The following C16orf89 variants were observed in gnomAD, a reference collection of about 807,000 sequenced individuals.
C16orf89 encodes UPF0764 protein C16orf89.
Under a neutral mutation model 41.5 loss-of-function variants are expected in C16orf89, and 57 were observed. The observed-to-expected ratio is 1.38, with a 90% CI of 1.11 to 1.71. The LOEUF (loss-of-function observed/expected upper bound fraction) is 1.71. C16orf89 is among the 40% of genes most tolerant of loss of function. The pLI is 0.00. For synonymous variants in C16orf89, 223 were observed against 190.6 expected (o/e 1.17, Z -1.40); for missense variants, 575 against 445.9 (o/e 1.29, Z -2.61).
intron 6 of C16orf89, among the ~76,000 whole-genome samples, chr16:5,054,577 TAG>T (rs577625614): frequency 9.2e-4 from 140 of 152,364 alleles, no homozygotes; most frequent in African/African-American, 3.1e-3. Context: ...CCCTAGAGCC[TAG>T]ATGGTGTCTG....
In C16orf89 at chr16:5,060,306, C is replaced by T; in HGVS notation, c.489G>A (p.Leu163=). The T allele has an allele frequency of 6.2e-7, 1 of 1,610,794 alleles. No homozygotes were observed. Among genetic ancestry groups the T allele is most frequent in the Non-Finnish European group, 8.5e-7 (1 of 1,178,508 alleles). The part of the protein sequence containing the change: ...SFSEERSDVC[L]VQLLGTGTDS... ...CCCACCCGGTTCCCAGCAGCTGCAC[C>T]AGGCACACGTCACTTCTCTCCTCTG... Residue 163 remains leucine (L), a synonymous_variant, in exon 3 of 8, where the codon CTG becomes CTA. Transcript: ENST00000472572.
At chr16:5,048,309 T>C (rs1956338525) in intron 6 of C16orf89, among the ~76,000 whole-genome samples, 1 of 152,198 alleles carries the variant, frequency 6.6e-6, no homozygotes, top group African/African-American at 2.4e-5. Context: ...TACTGGATTA[T>C]ATGTGTGAGC....
rs57266342 is a variant in C16orf89 at position 5,048,333 on chromosome 16, C to T, written c.869-369G>A. Among the ~76,000 whole-genome samples the T allele has an allele frequency of 3.5e-3, 527 of 152,318 alleles. 9 individuals are homozygous for T. The highest frequency in any genetic ancestry group is 0.012 in the African/African-American group (513 of 41,548). ...ATATGTGTGAGCCCCTGCAGCTGGT[C>T]TCAAGCTGAATTTTTAAATGTTACT... On this transcript the variant is annotated intron_variant, in intron 6 of 7. Transcript: ENST00000472572.
At chr16:5,045,039 G>T (rs4786580) in intron 7 of C16orf89, among the ~76,000 whole-genome samples, 152,253 of 152,296 alleles carry the variant, frequency 1, 76,105 homozygotes, top group Middle Eastern at 1. Context: ...GGCCACCTTG[G>T]CCCAGGGGGA....
intron 4 of C16orf89, among the ~76,000 whole-genome samples, chr16:5,056,927 A>G (rs1956520376): frequency 6.6e-6 from 1 of 152,140 alleles, no homozygotes; most frequent in South Asian, 2.1e-4. Context: ...AAGATAATGA[A>G]CCCTACCTTT....
At chr16:5,053,966 A>G (rs80312209) in intron 6 of C16orf89, among the ~76,000 whole-genome samples, 2,747 of 152,336 alleles carry the variant, frequency 0.018, 50 homozygotes, top group African/African-American at 0.058. Context: ...ACTGTACCCT[A>G]TAAATATGTA....
intron 4 of C16orf89, among the ~76,000 whole-genome samples, chr16:5,057,006 G>A (rs758926612): frequency 8.0e-5 from 12 of 150,786 alleles, no homozygotes; most frequent in Non-Finnish European, 1.5e-4. Context: ...TTGGGAGGCC[G>A]AGGCGGGTGG....
At chr16:5,055,494 G>A in intron 5 of C16orf89, 144 bp from the exon 6 acceptor site, 1 of 943,186 alleles carries the variant, frequency 1.1e-6, no homozygotes, top group Non-Finnish European at 1.6e-6. Context: ...GAGGGAAGGA[G>A]GCAGCTTGAG....
At chr16:5,061,259 C>T (rs56289300) in intron 2 of C16orf89, among the ~76,000 whole-genome samples, 1 of 88,520 alleles carries the variant, frequency 1.1e-5, no homozygotes, top group Non-Finnish European at 2.1e-5. Context: ...AAGACTCCAT[C>T]TCAAGAAAAA....
At chr16:5,055,559 G>T (rs564079785) in intron 5 of C16orf89, 2 of 1,097,952 alleles carry the variant, frequency 1.8e-6, no homozygotes, top group Admixed American at 2.6e-5. Context: ...CCCACTGAGG[G>T]CCTTGGTCAG....
chr16:5,057,286 A>C (rs1013951853), intron 4 of C16orf89, among the ~76,000 whole-genome samples: 1 of 130,686 alleles, frequency 7.7e-6, no homozygotes, highest in Non-Finnish European at 1.7e-5. Flanking sequence ...ATGTATATAT[A>C]TATGTGTATA....
At chr16:5,051,207 A>T (rs768401710) in intron 6 of C16orf89, among the ~76,000 whole-genome samples, 2 of 152,218 alleles carry the variant, frequency 1.3e-5, no homozygotes, top group Non-Finnish European at 2.9e-5. Flanking sequence ...AGCCAGAGCA[A>T]TTAAGCAAGA....
intron 7 of C16orf89, 67 bp downstream of exon 7, chr16:5,047,811 A>G: frequency 1.1e-6 from 1 of 909,546 alleles, no homozygotes. Flanking sequence ...GAGAATAAAC[A>G]CAGGCCTCTG....
chr16:5,048,655 A>T (rs1355608203), intron 6 of C16orf89, among the ~76,000 whole-genome samples: 1 of 152,106 alleles, frequency 6.6e-6, no homozygotes, highest in Non-Finnish European at 1.5e-5. Context: ...GAAAAGAAAA[A>T]GACAATAATA....
chr16:5,049,741 A>C (rs561694144), intron 6 of C16orf89, among the ~76,000 whole-genome samples: 1 of 152,230 alleles, frequency 6.6e-6, no homozygotes, highest in East Asian at 1.9e-4. Flanking sequence ...AAATACCTAC[A>C]TCAAAAAAGC....
chr16:5,050,588 G>T (rs58034502), intron 6 of C16orf89, among the ~76,000 whole-genome samples: 14 of 152,096 alleles, frequency 9.2e-5, no homozygotes, highest in Non-Finnish European at 1.8e-4. Context: ...ATTCTTTTCA[G>T]TCTCGTCCAG....
chr16:5,044,843 CA>C (rs77991061), intron 7 of C16orf89: 57,236 of 854,638 alleles, frequency 0.067, no homozygotes, highest in South Asian at 0.1. Context: ...GAATCTGTCT[CA>C]AAAAAAAAAA....
chr16:5,060,528 G>A lies in C16orf89; in HGVS notation c.359-92C>T, dbSNP rs566369673. On this transcript the variant is annotated intron_variant, in intron 2 of 7. Coordinates refer to ENST00000472572, the MANE Select transcript of C16orf89 (RefSeq NM_001098514.3). ...TGTCCCCACCTCCTCCTGCAGCCCT[G>A]CCCACTGGCAGGTGCAGCTCAGGGC... 21 of 1,347,950 alleles carry A rather than the reference G, an allele frequency of 1.6e-5. No individual in the cohort carries two copies. In the South Asian group the frequency reaches 2.8e-4, roughly 18 times the overall value. 83.5% of individuals were successfully genotyped at this position (1,347,950 alleles called of 1,614,324 possible).
chr16:5,050,974 C>A (rs1005741113), intron 6 of C16orf89, among the ~76,000 whole-genome samples: 2 of 152,084 alleles, frequency 1.3e-5, no homozygotes, highest in Admixed American at 1.3e-4. Context: ...TTAATAGATG[C>A]AGGAAAATGC....
Sources: allele counts gnomAD v4.1 joint callset (sites outside exome capture counted in the v4.1 genomes callset), GRCh38; gene constraint gnomAD v4.1.1; transcripts MANE v1.5; gene names NCBI Gene and HGNC (gene_info 2026-07-23, HGNC 2026-07-21).